The following TUB variants were observed in gnomAD, a reference collection of about 807,000 sequenced individuals.
TUB encodes the protein TUB bipartite transcription factor.
In TUB, 33 loss-of-function variants were observed where a neutral mutation model predicts 59.7. The ratio of observed to expected loss-of-function variants is 0.55; its 90% CI spans 0.42 to 0.74. The LOEUF (loss-of-function observed/expected upper bound fraction) is 0.74, where lower values mean the gene tolerates loss of function less well. TUB is among the 30% of genes least tolerant of loss of function. TUB has a pLI of 0.00. For synonymous variants in TUB, 293 were observed against 256.4 expected (o/e 1.14, Z -1.36); for missense variants, 659 against 672.0 (o/e 0.98, Z 0.21).
chr11:8,033,876 G>A (rs965603459), upstream of TUB, among the ~76,000 whole-genome samples: 1 of 152,276 alleles, frequency 6.6e-6, no homozygotes, highest in African/African-American at 2.4e-5. Context: ...CTGTCTTGCA[G>A]CCTTTCCCCC....
intron 2 of TUB, chr11:8,062,320 G>C (rs1943144741): frequency 6.6e-6 from 1 of 152,662 alleles, no homozygotes; most frequent in African/African-American, 2.4e-5. Context: ...TGCAGCAGGA[G>C]ACCCTGCCAC....
chr11:8,083,987 G>C (rs1347326129), intron 1 of TUB, among the ~76,000 whole-genome samples: 2 of 152,222 alleles, frequency 1.3e-5, no homozygotes, highest in Non-Finnish European at 2.9e-5. Context: ...CATGCTGTCT[G>C]ATCACAGAGA....
In TUB at chr11:8,081,534, C is replaced by G; in HGVS notation, c.24C>G (p.Asp8Glu). Residue 8 changes from aspartate to glutamate, a missense_variant, in exon 1 of 12, where the codon GAC (aspartate) becomes GAG (glutamate). Transcript: ENST00000299506. MTSKPHS[D>E]WIPYSVLDDE... The stretch of plus-strand genomic sequence containing the variant: ...ACATGACTTCCAAGCCGCATTCCGA[C>G]TGGATTCCCTACAGGTACGCGGGCG... 2 of 1,551,758 alleles carry G rather than the reference C, an allele frequency of 1.3e-6. No individual in the cohort carries two copies. The highest frequency in any genetic ancestry group is 1.7e-6 in the Non-Finnish European group (2 of 1,154,936).
At chr11:8,053,575 A>G (rs1454598692) in intron 2 of TUB, among the ~76,000 whole-genome samples, 3 of 151,504 alleles carry the variant, frequency 2.0e-5, no homozygotes, top group Non-Finnish European at 2.9e-5. Flanking sequence ...ATCTCGGCTC[A>G]CTGCAAGCTC....
At chr11:8,097,610 C>G in intron 7 of TUB, 104 bp from the exon 8 acceptor site, 2 of 1,294,790 alleles carry the variant, frequency 1.5e-6, no homozygotes, top group Non-Finnish European at 2.2e-6. Flanking sequence ...CACATATGTG[C>G]GTTTGGGAGC....
chr11:8,067,574 C>T (rs7113729), intron 2 of TUB: 92,082 of 152,024 alleles, frequency 0.61, 29,224 homozygotes, highest in African/African-American at 0.8. Flanking sequence ...ATGTATTCAC[C>T]CGACAAATAT....
intron 2 of TUB, among the ~76,000 whole-genome samples, chr11:8,072,421 G>A (rs545508211): frequency 6.6e-6 from 1 of 152,314 alleles, no homozygotes; most frequent in South Asian, 2.1e-4. Flanking sequence ...CACAGGCTTG[G>A]TGAGGCTGAG....
In TUB at chr11:8,083,411, T is replaced by G. The variant is rs112421642; in HGVS notation, c.38+1863T>G. On this transcript the variant is annotated intron_variant, in intron 1 of 11. Transcript: ENST00000299506. ...CAGGGAGCCAGGGACTAAAGCCACTTGTAGAGAGTGTGCAGGGGTCTTAGA... is the reference window on the plus strand; with the variant it reads ...CAGGGAGCCAGGGACTAAAGCCACTGGTAGAGAGTGTGCAGGGGTCTTAGA... Among the ~76,000 whole-genome samples, 458 of 152,282 alleles carry G rather than the reference T, an allele frequency of 3.0e-3. 3 individuals are homozygous for G. The highest frequency in any genetic ancestry group is 0.011 in the African/African-American group (439 of 41,544).
intron 1 of TUB, among the ~76,000 whole-genome samples, chr11:8,023,108 T>C (rs987861369): frequency 6.6e-6 from 1 of 152,130 alleles, no homozygotes; most frequent in Admixed American, 6.5e-5. Context: ...AGCTGGGCCT[T>C]CTCTCCACGT....
chr11:8,048,520 A>G (rs936330087), intron 2 of TUB, among the ~76,000 whole-genome samples: 7 of 152,010 alleles, frequency 4.6e-5, no homozygotes, highest in African/African-American at 1.7e-4. Flanking sequence ...TCCCACCTCA[A>G]TCTACTGAGG....
rs757824985 is a variant in TUB, at chr11:8,097,225, T to C, written c.688-3T>C. ...CTCAGGCACCTATTCTGCATCCCCA[T>C]AGGAGGCAGCCTCAGCCCCTAGCCC... On this transcript the variant is annotated splice_polypyrimidine_tract_variant and splice_region_variant and intron_variant, in intron 6 of 11. Coordinates refer to ENST00000299506, the MANE Select transcript of TUB (RefSeq NM_177972.3). The C allele has an allele frequency of 6.8e-6, 11 of 1,613,842 alleles. No individual in the cohort carries two copies. Among genetic ancestry groups the C allele is most frequent in the Middle Eastern group, 1.7e-4 (1 of 5,932 alleles).
chr11:8,038,938 TC>T lies in TUB; in HGVS notation c.68del (p.Pro23GlnfsTer22). ...TTCTTTGCCGAGACAGGGATTTTGT[TC>T]CCAGGAGGCACTCCCTGGCCCATGG... is the stretch of plus-strand genomic sequence containing the variant. On this transcript the variant is annotated frameshift_variant, in exon 1 of 13. Transcript: ENST00000305253. LOFTEE classifies it high-confidence loss of function. 1.9e-6 allele frequency: 3 copies of T among 1,613,980 alleles called. No individual in the cohort carries two copies. The highest frequency in any genetic ancestry group is 8.5e-7 in the Non-Finnish European group (1 of 1,179,972).
At chr11:8,019,706 A>AGGGGCC (rs1942391031) in intron 1 of TUB, among the ~76,000 whole-genome samples, 1 of 151,470 alleles carries the variant, frequency 6.6e-6, no homozygotes, top group African/African-American at 2.4e-5. Context: ...GGGGCGGGGC[A>AGGGGCC]GGGGCCGGGG....
In TUB at chr11:8,072,035, A is replaced by G. The variant is rs1943368634; in HGVS notation, c.204-17575A>G. ...TGTGCCTTCCTCAGGATGGAGGTAC[A>G]GGAAGGGGCCACTCTGCAGCAGCGG... On this transcript the variant is annotated intron_variant, in intron 2 of 12. Transcript: ENST00000305253. Among the ~76,000 whole-genome samples, 3 of 152,204 alleles carry G rather than the reference A, an allele frequency of 2.0e-5. No individual in the cohort carries two copies. In the South Asian group the frequency reaches 6.2e-4, roughly 31 times the overall value.
chr11:8,039,556 T>G, intron 1 of TUB: 1 of 1,229,336 alleles, frequency 8.1e-7, no homozygotes, highest in Non-Finnish European at 1.1e-6. Context: ...AAGGAGGCCT[T>G]GAGTGACCAG....
chr11:8,028,429 T>C (rs1378320102), intron 1 of TUB, among the ~76,000 whole-genome samples: 1 of 152,260 alleles, frequency 6.6e-6, no homozygotes, highest in Admixed American at 6.5e-5. Flanking sequence ...GCACAAGCTT[T>C]AATTTTGATG....
rs1564932884 is a variant in TUB at position 8,104,863 on chromosome 11, A to AAGAGAACTTTCGGAGCCTGCCTCCTTC, written c.*3247_*3273dup. The stretch of plus-strand genomic sequence containing the variant: ...CAGGACTGTGATAATCAGAAGCTAT[A>AAGAGAACTTTCGGAGCCTGCCTCCTTC]AGAGAACTTTCGGAGCCTGCCTCCT... On this transcript the variant is annotated 3_prime_UTR_variant, in exon 12 of 12. Coordinates refer to ENST00000299506, the MANE Select transcript of TUB (RefSeq NM_177972.3). The AAGAGAACTTTCGGAGCCTGCCTCCTTC allele has an allele frequency of 6.6e-6, 1 of 152,142 alleles. No individual in the cohort carries two copies. Among genetic ancestry groups the AAGAGAACTTTCGGAGCCTGCCTCCTTC allele is most frequent in the Non-Finnish European group, 1.5e-5 (1 of 68,024 alleles). 9.4% of individuals were successfully genotyped at this position (152,142 alleles called of 1,614,324 possible).
At chr11:8,099,608 C>T (rs942836619) in intron 9 of TUB, among the ~76,000 whole-genome samples, 6 of 152,136 alleles carry the variant, frequency 3.9e-5, no homozygotes, top group Non-Finnish European at 8.8e-5. Flanking sequence ...AAATGTATAC[C>T]TTTATGGGAC....
chr11:8,090,020 G>C (rs773732517), intron 2 of TUB, 49 bp from the exon 3 acceptor site: 1 of 1,524,414 alleles, frequency 6.6e-7, no homozygotes, highest in Non-Finnish European at 8.8e-7. Flanking sequence ...CTGGGAGCCC[G>C]CCCTTCCTGG....
Sources: allele counts gnomAD v4.1 joint callset (sites outside exome capture counted in the v4.1 genomes callset), GRCh38; gene constraint gnomAD v4.1.1; transcripts MANE v1.5; gene names NCBI Gene and HGNC (gene_info 2026-07-23, HGNC 2026-07-21).